Variants in LRMDA observed in about 807,000 individuals in gnomAD.
LRMDA encodes leucine-rich melanocyte differentiation-associated protein.
LRMDA carries 18 observed loss-of-function variants against 29.8 expected under a neutral mutation model. The ratio of observed to expected loss-of-function variants is 0.60; its 90% CI spans 0.42 to 0.90. LRMDA has a LOEUF of 0.90. LRMDA is among the 40% of genes least tolerant of loss of function. The pLI, the probability that LRMDA is intolerant of heterozygous loss-of-function variation, is 0.00. For synonymous variants in LRMDA, 125 were observed against 109.4 expected (o/e 1.14, Z -0.89); for missense variants, 273 against 273.9 (o/e 1.00, Z 0.02).
intron 6 of LRMDA, among the ~76,000 whole-genome samples, chr10:76,385,248 C>T (rs898612917): frequency 9.2e-5 from 14 of 152,138 alleles, no homozygotes; most frequent in African/African-American, 3.4e-4. Flanking sequence ...TCTACTTTAC[C>T]TGAAACTTTT....
At chr10:75,885,865 T>G (rs1398714359) in intron 2 of LRMDA, among the ~76,000 whole-genome samples, 3 of 152,256 alleles carry the variant, frequency 2.0e-5, no homozygotes, top group Non-Finnish European at 2.9e-5. Context: ...GGACCACACC[T>G]GTCTTATTTA....
At chr10:76,071,229 C>G (rs547976414) in intron 5 of LRMDA, among the ~76,000 whole-genome samples, 1 of 152,298 alleles carries the variant, frequency 6.6e-6, no homozygotes, top group African/African-American at 2.4e-5. Flanking sequence ...AATTTGGGAG[C>G]TTGTTACACA....
At chr10:75,716,475 G>A (rs1400470799) in intron 2 of LRMDA, among the ~76,000 whole-genome samples, 2 of 152,150 alleles carry the variant, frequency 1.3e-5, no homozygotes, top group East Asian at 1.9e-4. Flanking sequence ...AATGCTTTTT[G>A]TCCAATGCAT....
intron 2 of LRMDA, among the ~76,000 whole-genome samples, chr10:75,810,086 C>T (rs1251946101): frequency 5.3e-5 from 8 of 151,892 alleles, no homozygotes; most frequent in South Asian, 2.1e-4. Context: ...TCCAGGTGGA[C>T]GAAACAGCAT....
At chr10:75,912,362 G>T (rs772064153) in intron 2 of LRMDA, among the ~76,000 whole-genome samples, 6 of 152,172 alleles carry the variant, frequency 3.9e-5, no homozygotes, top group Non-Finnish European at 5.9e-5. Flanking sequence ...GCAAAGTGCT[G>T]AGGTAAAGAA....
chr10:75,667,267 T>A (rs1841835030), intron 2 of LRMDA, among the ~76,000 whole-genome samples: 1 of 151,686 alleles, frequency 6.6e-6, no homozygotes, highest in Non-Finnish European at 1.5e-5. Context: ...TAGGTTAAAA[T>A]GGATTCTTTT....
chr10:75,887,544 C>A (rs868620361), intron 2 of LRMDA, among the ~76,000 whole-genome samples: 5 of 148,190 alleles, frequency 3.4e-5, no homozygotes, highest in African/African-American at 1.2e-4. Flanking sequence ...CTGTTGCTAC[C>A]TTTTTTTTTT....
chr10:75,825,389 G>A (rs754416006), intron 2 of LRMDA, among the ~76,000 whole-genome samples: 5 of 152,178 alleles, frequency 3.3e-5, no homozygotes, highest in Non-Finnish European at 7.3e-5. Flanking sequence ...CGCTAGGCAC[G>A]TGATTTACCA....
At position 76,251,205 on chromosome 10, in the gene LRMDA, G is replaced by C. The variant is rs150373770; in HGVS notation, c.517-73196G>C. 5.0e-5 allele frequency among the ~76,000 whole-genome samples: 7 copies of C among 139,586 alleles called. No individual in the cohort carries two copies. In the East Asian group the frequency reaches 1.6e-3, roughly 31 times the overall value. The allele number at this position is 139,586 out of a possible 152,430, so 91.6% of individuals were successfully genotyped here. Reference sequence around the variant, plus strand: ...GACTTAGAAAAGCACACTGTCCATTGAAGGTTATCTCCCGTCGCTTCTTTT... The same window carrying C: ...GACTTAGAAAAGCACACTGTCCATTCAAGGTTATCTCCCGTCGCTTCTTTT... On this transcript the variant is annotated intron_variant, in intron 5 of 6. Transcript: ENST00000611255.
chr10:76,051,663 G>A (rs902785710), intron 4 of LRMDA, among the ~76,000 whole-genome samples: 1 of 152,204 alleles, frequency 6.6e-6, no homozygotes, highest in African/African-American at 2.4e-5. Context: ...TTTGAGCCAC[G>A]TAGAGTTCAA....
chr10:76,363,254 A>AAG (rs1313709060), intron 6 of LRMDA, among the ~76,000 whole-genome samples: 13 of 46,444 alleles, frequency 2.8e-4, no homozygotes, highest in African/African-American at 8.4e-4. Context: ...AAAGAAAGAA[A>AAG]GAAGGAAGGA....
chr10:76,144,926 C>T (rs1288468869), intron 5 of LRMDA, among the ~76,000 whole-genome samples: 1 of 152,094 alleles, frequency 6.6e-6, no homozygotes, highest in Non-Finnish European at 1.5e-5. Flanking sequence ...TTGTCAAAGG[C>T]CTCTTCTGCA....
chr10:76,027,506 T>TAGGTATCA (rs1848081255), intron 2 of LRMDA, among the ~76,000 whole-genome samples: 1 of 152,168 alleles, frequency 6.6e-6, no homozygotes. Flanking sequence ...GAGATATAGA[T>TAGGTATCA]AGGTATCACA....
chr10:75,483,867 G>GTTTTGTT (rs1554893491), intron 2 of LRMDA, among the ~76,000 whole-genome samples: 1 of 119,142 alleles, frequency 8.4e-6, no homozygotes. Flanking sequence ...GTATGGAGAG[G>GTTTTGTT]TTTTTTTTTT....
At chr10:76,542,543 T>A (rs1260872291) in intron 6 of LRMDA, among the ~76,000 whole-genome samples, 1 of 152,220 alleles carries the variant, frequency 6.6e-6, no homozygotes, top group East Asian at 1.9e-4. Flanking sequence ...ATTATGGATG[T>A]CTGCGTTCAG....
At chr10:75,650,642 T>A (rs1291469454) in intron 2 of LRMDA, among the ~76,000 whole-genome samples, 3 of 152,126 alleles carry the variant, frequency 2.0e-5, no homozygotes, top group Admixed American at 2.0e-4. Flanking sequence ...AAAGGAAAGG[T>A]GATAGTATTG....
intron 2 of LRMDA, among the ~76,000 whole-genome samples, chr10:76,029,288 G>A (rs1848111698): frequency 6.6e-6 from 1 of 152,064 alleles, no homozygotes; most frequent in Non-Finnish European, 1.5e-5. Context: ...GTTTGGGCTA[G>A]CTTATTAGAA....
chr10:75,792,975 T>C (rs1485670475), intron 2 of LRMDA, among the ~76,000 whole-genome samples: 1 of 152,174 alleles, frequency 6.6e-6, no homozygotes, highest in Non-Finnish European at 1.5e-5. Context: ...AGTTTGGGTC[T>C]GGTGCAATAG....
chr10:75,949,243 G>A lies in LRMDA; in HGVS notation c.132-86765G>A, dbSNP rs180801335. The stretch of plus-strand genomic sequence containing the variant: ...TGGCCACTTGCAAAAAAGGTTTGTC[G>A]TTAGTAGGGCATTGTTTTGTTAGGC... On this transcript the variant is annotated intron_variant, in intron 2 of 6. Transcript: ENST00000611255. 1.5e-4 allele frequency among the ~76,000 whole-genome samples: 23 copies of A among 152,300 alleles called. No individual in the cohort carries two copies. In the East Asian group the frequency reaches 3.3e-3, roughly 22 times the overall value.
Sources: gnomAD v4.1 joint callset for allele counts (sites outside exome capture counted in the v4.1 genomes callset) on GRCh38, gnomAD v4.1.1 for gene constraint, MANE v1.5 for transcripts, NCBI Gene and HGNC (gene_info 2026-07-23, HGNC 2026-07-21) for gene names.